The following HACD1 variants were observed in gnomAD, a reference collection of about 807,000 sequenced individuals.
HACD1 encodes the protein very-long-chain (3R)-3-hydroxyacyl-CoA dehydratase 1.
A neutral mutation model predicts 32.0 loss-of-function variants in HACD1; 41 were observed. That is an observed-to-expected ratio of 1.28 (90% CI 1.00 to 1.66). The LOEUF is 1.66. Among genes scored for constraint, HACD1 ranks in the 40% most tolerant of loss-of-function variants. The pLI is 0.00. For synonymous variants in HACD1, 142 were observed against 139.0 expected (o/e 1.02, Z -0.15); for missense variants, 396 against 380.1 (o/e 1.04, Z -0.35).
At chr10:17,594,142 T>C in intron 6 of HACD1, 63 bp downstream of exon 6, 1 of 1,241,830 alleles carries the variant, frequency 8.1e-7, no homozygotes. Flanking sequence ...TGCATATTAT[T>C]ATATCCTTTC....
At chr10:17,598,418 T>A (rs1268319762) in intron 5 of HACD1, among the ~76,000 whole-genome samples, 2 of 152,010 alleles carry the variant, frequency 1.3e-5, no homozygotes, top group Non-Finnish European at 2.9e-5. Flanking sequence ...TACTTGGGAT[T>A]AAAAAATAGT....
chr10:17,605,825 G>A (rs1588990642), intron 1 of HACD1, among the ~76,000 whole-genome samples: 2 of 151,218 alleles, frequency 1.3e-5, no homozygotes, highest in East Asian at 2.0e-4. Flanking sequence ...GTGCCGGTGG[G>A]CACCTATAGT....
chr10:17,612,446 C>T (rs1290696757), intron 1 of HACD1, among the ~76,000 whole-genome samples: 1 of 152,144 alleles, frequency 6.6e-6, no homozygotes, highest in African/African-American at 2.4e-5. Flanking sequence ...TTGGAGTTTA[C>T]ACTCTAATGG....
intron 1 of HACD1, among the ~76,000 whole-genome samples, chr10:17,613,995 T>C (rs1833031220): frequency 6.6e-6 from 1 of 152,186 alleles, no homozygotes; most frequent in Non-Finnish European, 1.5e-5. Context: ...CCTGAATCCC[T>C]TAGATCAGGG....
Position 17,617,098 on chromosome 10 carries a change from A to G in HACD1, c.242T>C (p.Ile81Thr). The G allele has an allele frequency of 6.7e-7, 1 of 1,494,962 alleles. No individual in the cohort carries two copies. Among genetic ancestry groups the G allele is most frequent in the Non-Finnish European group, 8.9e-7 (1 of 1,125,234 alleles). The allele number at this position is 1,494,962 out of a possible 1,614,324, so 92.6% of individuals were successfully genotyped here. ...LATAWLTFYD[I>T]AMTAGWLVLA... ...GCGCGCGTACCCCGCGGTCATGGCG[A>G]TGTCGTAGAAGGTGAGCCAGGCGGT... Residue 81 changes from isoleucine to threonine, a missense_variant, in exon 1 of 7, where the codon ATC (isoleucine) becomes ACC (threonine). By Grantham distance (89) the Ile-to-Thr change is moderately conservative. Transcript: ENST00000361271.
chr10:17,599,154 TAGTTATACC>T (rs1458657791), intron 5 of HACD1, 127 bp downstream of exon 5: 4 of 1,341,154 alleles, frequency 3.0e-6, no homozygotes, highest in Non-Finnish European at 3.9e-6. Flanking sequence ...GTATAATTAT[TAGTTATACC>T]AGTTATACCT....
intron 1 of HACD1, among the ~76,000 whole-genome samples, chr10:17,611,208 G>C (rs1489993418): frequency 6.6e-6 from 1 of 152,058 alleles, no homozygotes; most frequent in African/African-American, 2.4e-5. Flanking sequence ...CACTGTGTTA[G>C]CCAGGATGGT....
intron 1 of HACD1, among the ~76,000 whole-genome samples, chr10:17,612,260 A>G (rs1390403361): frequency 6.6e-6 from 1 of 152,236 alleles, no homozygotes; most frequent in African/African-American, 2.4e-5. Context: ...CCATTATTGT[A>G]TAATTAATTC....
chr10:17,614,539 G>A (rs776069230), intron 1 of HACD1, among the ~76,000 whole-genome samples: 136 of 151,740 alleles, frequency 9.0e-4, no homozygotes, highest in Non-Finnish European at 5.6e-4. Flanking sequence ...CACCGTGCTC[G>A]GCCTACTCTA....
Position 17,594,271 on chromosome 10 carries a change from T to C in HACD1, c.718A>G (p.Asn240Asp). 6.2e-7 allele frequency: 1 copy of C among 1,602,702 alleles called. No homozygotes were observed. Among genetic ancestry groups the C allele is most frequent in the South Asian group, 1.1e-5 (1 of 88,978 alleles). The change falls in exon 6 of 7, where the codon AAC becomes GAC. Residue 240 changes from asparagine (N) to aspartate (D), a missense_variant. By Grantham distance (23) the Asn-to-Asp change is conservative (BLOSUM62 1). Coordinates refer to ENST00000361271, the MANE Select transcript of HACD1 (RefSeq NM_014241.4). Reference sequence around the variant, plus strand: ...TAGTCAAAAGAGACATTGTATTTGTTAGGAAGTCTTATTGAAAACATTCCT... The same window carrying C: ...TAGTCAAAAGAGACATTGTATTTGTCAGGAAGTCTTATTGAAAACATTCCT... Reference protein sequence around the residue: ...KTGMFSIRLPNKYNVSFDYYY... With the variant: ...KTGMFSIRLPDKYNVSFDYYY...
At chr10:17,598,822 A>C (rs1054548264) in intron 5 of HACD1, among the ~76,000 whole-genome samples, 66 of 152,208 alleles carry the variant, frequency 4.3e-4, no homozygotes, top group Non-Finnish European at 7.9e-4. Flanking sequence ...AAATAATACA[A>C]TTTTAAGTAA....
chr10:17,595,516 T>C (rs1833984841), intron 5 of HACD1, among the ~76,000 whole-genome samples: 1 of 152,150 alleles, frequency 6.6e-6, no homozygotes, highest in East Asian at 1.9e-4. Flanking sequence ...AGAGTGAGCT[T>C]GTTTAAAGTA....
chr10:17,604,049 T>TAAAA lies in HACD1; in HGVS notation c.258-6_258-3dup. The TAAAA allele has an allele frequency of 8.1e-7, 1 of 1,227,636 alleles. No individual in the cohort carries two copies. Among genetic ancestry groups the TAAAA allele is most frequent in the Non-Finnish European group, 1.1e-6 (1 of 909,130 alleles). 76.0% of individuals were successfully genotyped at this position (1,227,636 alleles called of 1,614,324 possible). A position where few individuals can be genotyped will look rare whatever the true frequency, so the allele number is the denominator to read the frequency against. On this transcript the variant is annotated splice_polypyrimidine_tract_variant and splice_region_variant and intron_variant, in intron 1 of 6. Coordinates refer to ENST00000361271, the MANE Select transcript of HACD1 (RefSeq NM_014241.4). ...ATGGCAATAGCTAGAACCAACCACC[T>TAAAA]AAAAAAAAAAAGTATTTCATAAAGT...
Position 17,593,988 on chromosome 10 carries a change from G to A in HACD1, c.784+217C>T, listed in dbSNP as rs187328124. On this transcript the variant is annotated intron_variant, in intron 6 of 6. Transcript: ENST00000361271. ...ATTTTGAGAAAGCAATAATCCATGC[G>A]TTAATTTACCTGCCTTTATTCTCAT... 9.2e-5 allele frequency among the ~76,000 whole-genome samples: 14 copies of A among 152,198 alleles called. No homozygotes were observed. In the East Asian group the frequency reaches 2.5e-3, roughly 27 times the overall value.
intron 1 of HACD1, among the ~76,000 whole-genome samples, chr10:17,616,236 T>C (rs1833081878): frequency 1.4e-5 from 1 of 69,756 alleles, no homozygotes; most frequent in African/African-American, 6.7e-5. Context: ...GCCACTGCAC[T>C]CCAGCCAAGA....
intron 6 of HACD1, among the ~76,000 whole-genome samples, chr10:17,591,190 C>A (rs1459110051): frequency 1.3e-5 from 2 of 152,006 alleles, no homozygotes; most frequent in Non-Finnish European, 2.9e-5. Flanking sequence ...TGTGAGGATA[C>A]CCGGGTGCAT....
chr10:17,613,092 T>G (rs12770533), intron 1 of HACD1, among the ~76,000 whole-genome samples: 16,384 of 142,168 alleles, frequency 0.12, 993 homozygotes, highest in East Asian at 0.24. Flanking sequence ...TGCTTTGCAA[T>G]TTGGGGTGTG....
At chr10:17,610,999 C>CTTTTTTTTTTTTTT (rs71393021) in intron 1 of HACD1, among the ~76,000 whole-genome samples, 4 of 103,016 alleles carry the variant, frequency 3.9e-5, no homozygotes, top group African/African-American at 1.2e-4. Flanking sequence ...AGGTCCTCTT[C>CTTTTTTTTTTTTTT]TTTTTTTTTT....
intron 6 of HACD1, 34 bp downstream of exon 6, chr10:17,594,171 T>A: frequency 7.6e-7 from 1 of 1,323,950 alleles, no homozygotes; most frequent in Non-Finnish European, 9.9e-7. Context: ...CCACATCATA[T>A]GTCAAATCAA....
Sources: allele counts gnomAD v4.1 joint callset (sites outside exome capture counted in the v4.1 genomes callset), GRCh38; gene constraint gnomAD v4.1.1; transcripts MANE v1.5; gene names NCBI Gene and HGNC (gene_info 2026-07-23, HGNC 2026-07-21).